Variants in ZNF514 observed in about 807,000 individuals in gnomAD.
ZNF514 encodes the protein zinc finger protein 514.
In ZNF514, 12 loss-of-function variants were observed where a neutral mutation model predicts 9.7. The ratio of observed to expected loss-of-function variants is 1.24; its 90% CI spans 0.79 to 2.01. The LOEUF (loss-of-function observed/expected upper bound fraction) is 2.01, where lower values mean the gene tolerates loss of function less well. Among genes scored for constraint, ZNF514 ranks in the 30% most tolerant of loss-of-function variants. The pLI is 0.00. For missense variants in ZNF514, 467 were observed against 465.5 expected, an observed-to-expected ratio of 1.00 and a Z score of -0.03; for synonymous variants, 158 against 163.7, an observed-to-expected ratio of 0.97 and a Z score of 0.27.
At chr2:95,142,044 C>G (rs1238070470), downstream of ZNF514, among the ~76,000 whole-genome samples, 1 of 152,102 alleles carries the variant, frequency 6.6e-6, no homozygotes, top group African/African-American at 2.4e-5. Flanking sequence ...TCTATAGACC[C>G]CTGGTTGTCA....
Position 95,149,191 on chromosome 2 carries a change from A to T in ZNF514, c.*91T>A, listed in dbSNP as rs1327178873. ...AACAAGATGTGGTCTTCCCACATAC[A>T]TTACACCTTTAGGATCTCTCTCTGA... On this transcript the variant is annotated 3_prime_UTR_variant, in exon 5 of 5. Transcript: ENST00000295208. The T allele has an allele frequency of 2.8e-6, 4 of 1,446,524 alleles. No individual in the cohort carries two copies. The Admixed American group carries it at 9.2e-5, about 33-fold the overall frequency. 89.6% of individuals were successfully genotyped at this position (1,446,524 alleles called of 1,614,324 possible). A position where few individuals can be genotyped will look rare whatever the true frequency, so the allele number is the denominator to read the frequency against.
At chr2:95,138,126 C>G in the ZNF514 span, among the ~76,000 whole-genome samples, 2 of 152,210 alleles carry the variant, frequency 1.3e-5, no homozygotes, top group Non-Finnish European at 2.9e-5. Context: ...AGTTGAACCT[C>G]TTTTCCTTAC....
chr2:95,152,748 T>C lies in ZNF514; in HGVS notation c.143A>G (p.Tyr48Cys). Residue 48 changes from tyrosine to cysteine, a missense_variant, in exon 4 of 5, where the codon TAT becomes TGT. Tyr to Cys is a radical substitution (Grantham distance 194). Transcript: ENST00000295208. ...CCCTTCCTCCAACTGGCAGATCACATATGGTTTGGATACTAGAAGGCCTGA... is the reference window on the plus strand; with the variant it reads ...CCCTTCCTCCAACTGGCAGATCACACATGGTTTGGATACTAGAAGGCCTGA... ...AILGLLVSKP[Y>C]VICQLEEGGE... 6.2e-7 allele frequency: 1 copy of C among 1,614,104 alleles called. No homozygotes were observed. The highest frequency in any genetic ancestry group is 8.5e-7 in the Non-Finnish European group (1 of 1,180,008).
At chr2:95,150,290 AAG>A (rs1491480232) in intron 4 of ZNF514, 23 bp from the exon 5 acceptor site, 872 of 1,520,248 alleles carry the variant, frequency 5.7e-4, no homozygotes, top group Non-Finnish European at 7.1e-4. Flanking sequence ...AAAAAAAAAA[AAG>A]AAGACATTCT....
intron 4 of ZNF514, among the ~76,000 whole-genome samples, chr2:95,150,959 G>A (rs764016473): frequency 4.6e-5 from 7 of 152,182 alleles, no homozygotes; most frequent in South Asian, 2.1e-4. Context: ...AAGACTTTGC[G>A]TACCTTTCAG....
At chr2:95,126,992 T>C in the ZNF514 span, among the ~76,000 whole-genome samples, 1 of 152,160 alleles carries the variant, frequency 6.6e-6, no homozygotes, top group Non-Finnish European at 1.5e-5. Flanking sequence ...CTGATCTCTT[T>C]ATGCCTCTGC....
At chr2:95,158,252 C>T (rs1306554954) in intron 1 of ZNF514, among the ~76,000 whole-genome samples, 3 of 152,084 alleles carry the variant, frequency 2.0e-5, no homozygotes, top group Non-Finnish European at 4.4e-5. Context: ...TCTGCTGTTC[C>T]CAGAGCCACA....
At chr2:95,141,634 A>T (rs886426858), downstream of ZNF514, among the ~76,000 whole-genome samples, 1 of 152,220 alleles carries the variant, frequency 6.6e-6, no homozygotes, top group Non-Finnish European at 1.5e-5. Context: ...ATGTTAAATC[A>T]TAAGATTTTG....
Position 95,145,463 on chromosome 2 carries a change from C to T in ZNF514, c.*3819G>A, listed in dbSNP as rs1673338070. Among the ~76,000 whole-genome samples the T allele has an allele frequency of 6.6e-6, 1 of 152,170 alleles. No individual in the cohort carries two copies. Among genetic ancestry groups the T allele is most frequent in the Admixed American group, 6.5e-5 (1 of 15,282 alleles). On this transcript the variant is annotated 3_prime_UTR_variant, in exon 5 of 5. Coordinates refer to ENST00000295208, the MANE Select transcript of ZNF514 (RefSeq NM_032788.3). ...TCTTAAGTCTGATAAGAAACATTTA[C>T]AATCTATTCTCTCTGAAGCCTGCTA...
At chr2:95,133,069 G>A in the ZNF514 span, among the ~76,000 whole-genome samples, 4 of 152,116 alleles carry the variant, frequency 2.6e-5, no homozygotes, top group African/African-American at 9.6e-5. Flanking sequence ...ATGGTTAAAC[G>A]CACTCTCGTA....
intron 4 of ZNF514, among the ~76,000 whole-genome samples, chr2:95,151,275 T>C (rs1314068210): frequency 6.6e-6 from 1 of 152,224 alleles, no homozygotes; most frequent in African/African-American, 2.4e-5. Context: ...ATTTCCTGGC[T>C]GGGCAGAAAG....
intron 3 of ZNF514, 66 bp downstream of exon 3, chr2:95,153,067 C>T: frequency 6.4e-7 from 1 of 1,565,252 alleles, no homozygotes; most frequent in Non-Finnish European, 8.7e-7. Flanking sequence ...CCAGACACCA[C>T]TAGCTCTTAA....
the ZNF514 span, among the ~76,000 whole-genome samples, chr2:95,132,471 C>T: frequency 6.6e-6 from 1 of 152,120 alleles, no homozygotes; most frequent in Non-Finnish European, 1.5e-5. Flanking sequence ...AGTGCCAACA[C>T]CATAAACTGA....
At chr2:95,124,301 AT>A in the ZNF514 span, among the ~76,000 whole-genome samples, 1 of 152,186 alleles carries the variant, frequency 6.6e-6, no homozygotes, top group African/African-American at 2.4e-5. Context: ...ATGGAATCAG[AT>A]AATACATGAT....
the ZNF514 span, among the ~76,000 whole-genome samples, chr2:95,135,087 T>A: frequency 6.6e-6 from 1 of 152,240 alleles, no homozygotes; most frequent in Non-Finnish European, 1.5e-5. Flanking sequence ...CCCTTGCAAT[T>A]TCATATAAAT....
chr2:95,152,877 G>C, intron 3 of ZNF514, 108 bp from the exon 4 acceptor site: 2 of 1,103,110 alleles, frequency 1.8e-6, no homozygotes, highest in Non-Finnish European at 2.7e-6. Flanking sequence ...AGCCTCCAGA[G>C]AACAGGCATT....
Position 95,149,673 on chromosome 2 carries a change from T to G in ZNF514, c.812A>C (p.Gln271Pro). Residue 271 changes from glutamine to proline, a missense_variant, in exon 5 of 5, where the codon CAG becomes CCG. Physicochemically the swap from Gln to Pro is moderately conservative, Grantham distance 76. Coordinates refer to ENST00000295208, the MANE Select transcript of ZNF514 (RefSeq NM_032788.3). ...ATAGTGCAGAACAAGAGACGAACTC[T>G]GGCTGAAGGCTCTCCCACATTCACT... The part of the protein sequence containing the change: ...ECSECGRAFS[Q>P]SSSLVLHYRF... The G allele has an allele frequency of 6.2e-7, 1 of 1,614,238 alleles. No individual in the cohort carries two copies. Among genetic ancestry groups the G allele is most frequent in the East Asian group, 2.2e-5 (1 of 44,892 alleles).
chr2:95,128,786 AGAGGAGGAGGAG>A, the ZNF514 span, among the ~76,000 whole-genome samples: 60 of 149,878 alleles, frequency 4.0e-4, no homozygotes, highest in East Asian at 3.9e-3. Context: ...AGGAGGAGGA[AGAGGAGGAGGAG>A]GAGGAGAAGG....
downstream of ZNF514, among the ~76,000 whole-genome samples, chr2:95,143,587 C>T (rs796195578): frequency 1.6e-4 from 25 of 152,132 alleles, no homozygotes; most frequent in African/African-American, 6.0e-4. Flanking sequence ...CCACTGCACT[C>T]CAGCCTGGGC....
Sources: allele counts gnomAD v4.1 joint callset (sites outside exome capture counted in the v4.1 genomes callset), GRCh38; gene constraint gnomAD v4.1.1; transcripts MANE v1.5; gene names NCBI Gene and HGNC (gene_info 2026-07-23, HGNC 2026-07-21).